CD5L: variants seen among roughly 807,000 people sequenced by gnomAD.
The protein encoded by CD5L is CD5 molecule like, also known as CD5 antigen-like.
Under a neutral mutation model 40.8 loss-of-function variants are expected in CD5L, and 39 were observed. The observed-to-expected ratio is 0.96, with a 90% confidence interval of 0.74 to 1.25. The LOEUF is 1.25. Among genes scored for constraint, CD5L ranks in the 50% most tolerant of loss-of-function variants. The pLI is 0.00. For synonymous variants in CD5L, 192 were observed against 169.6 expected, an observed-to-expected ratio of 1.13 and a Z score of -1.03; for missense variants, 433 against 435.9, an observed-to-expected ratio of 0.99 and a Z score of 0.06.
chr1:157,831,062 A>G lies in CD5L; in HGVS notation c.*902T>C. On this transcript the variant is annotated 3_prime_UTR_variant, in exon 6 of 6. Coordinates refer to ENST00000368174, the MANE Select transcript of CD5L (RefSeq NM_005894.3). Reference sequence around the variant, plus strand: ...TATTTCTGTCTTGCCTCAAGCTTACAGGCCCCAAAGTCTCAGTTGATAAAG... The same window carrying G: ...TATTTCTGTCTTGCCTCAAGCTTACGGGCCCCAAAGTCTCAGTTGATAAAG... The G allele has an allele frequency of 1.0e-6, 1 of 985,428 alleles. No individual in the cohort carries two copies. The highest frequency in any genetic ancestry group is 1.2e-6 in the Non-Finnish European group (1 of 829,918). 61.0% of individuals were successfully genotyped at this position (985,428 alleles called of 1,614,324 possible).
intron 2 of CD5L, among the ~76,000 whole-genome samples, chr1:157,837,942 A>AT: frequency 6.6e-6 from 1 of 151,694 alleles, no homozygotes; most frequent in Middle Eastern, 3.4e-3. Context: ...CACCTGGCTA[A>AT]TTTTTTTGTA....
At chr1:157,837,635 G>GA (rs1656254238) in intron 2 of CD5L, among the ~76,000 whole-genome samples, 1 of 152,182 alleles carries the variant, frequency 6.6e-6, no homozygotes, top group Non-Finnish European at 1.5e-5. Flanking sequence ...GATGACCCAG[G>GA]TTGCATGCAT....
chr1:157,838,035 CAA>C (rs1656268244), intron 2 of CD5L, among the ~76,000 whole-genome samples: 1 of 152,106 alleles, frequency 6.6e-6, no homozygotes, highest in South Asian at 2.1e-4. Flanking sequence ...CTTCGCCTCC[CAA>C]AGTGCTGGGA....
rs1656032656 is a variant in CD5L, at chr1:157,831,034, T to C, written c.*930A>G. On this transcript the variant is annotated 3_prime_UTR_variant, in exon 6 of 6. Coordinates refer to ENST00000368174, the MANE Select transcript of CD5L (RefSeq NM_005894.3). ...AATTTTTACAATCAAGTCTTGATTC[T>C]CTTATTTCTGTCTTGCCTCAAGCTT... 1.8e-5 allele frequency: 18 copies of C among 985,222 alleles called. No homozygotes were observed. Among genetic ancestry groups the C allele is most frequent in the Non-Finnish European group, 2.2e-5 (18 of 829,866 alleles). 61.0% of individuals were successfully genotyped at this position (985,222 alleles called of 1,614,324 possible). A position where few individuals can be genotyped will look rare whatever the true frequency, so the allele number is the denominator to read the frequency against.
chr1:157,837,350 C>T (rs1259777475), intron 2 of CD5L, among the ~76,000 whole-genome samples: 1 of 129,920 alleles, frequency 7.7e-6, no homozygotes, highest in Non-Finnish European at 1.7e-5. Context: ...TTGTTAGGTG[C>T]GTACTACATT....
chr1:157,839,343 A>G, intron 2 of CD5L, 41 bp downstream of exon 2: 1 of 1,606,646 alleles, frequency 6.2e-7, no homozygotes, highest in Non-Finnish European at 8.5e-7. Context: ...TCCCTCTCCT[A>G]AGCTTGAGGC....
chr1:157,833,974 C>A (rs1367005544), intron 4 of CD5L, among the ~76,000 whole-genome samples: 1 of 152,072 alleles, frequency 6.6e-6, no homozygotes, highest in African/African-American at 2.4e-5. Context: ...ACATGTATTT[C>A]TGTGATTAGA....
At position 157,836,046 on chromosome 1, in the gene CD5L, A is replaced by C; in HGVS notation, c.165T>G (p.Ile55Met). Residue 55 changes from isoleucine (I) to methionine (M), a missense_variant, in exon 3 of 6, where the codon ATT becomes ATG. Coordinates refer to ENST00000368174, the MANE Select transcript of CD5L (RefSeq NM_005894.3). ...CCCGGCACAACACAGCCACGTCCTTAATGTCCCAGCCGTCATCACACACGG... is the reference window on the plus strand; with the variant it reads ...CCCGGCACAACACAGCCACGTCCTTCATGTCCCAGCCGTCATCACACACGG... ...WGTVCDDGWD[I>M]KDVAVLCREL... The C allele has an allele frequency of 6.2e-7, 1 of 1,614,070 alleles. No individual in the cohort carries two copies.
chr1:157,833,432 A>C lies in CD5L; in HGVS notation c.799T>G (p.Ser267Ala), dbSNP rs1374202517. Residue 267 changes from serine to alanine, a missense_variant, in exon 5 of 6, where the codon TCT becomes GCT. Ser to Ala is a moderately conservative substitution (Grantham distance 99). Coordinates refer to ENST00000368174, the MANE Select transcript of CD5L (RefSeq NM_005894.3). Reference protein sequence around the residue: ...LEVLHKGVWGSVCDDNWGEKE... With the variant: ...LEVLHKGVWGAVCDDNWGEKE... ...TCTCCCCAGTTGTCATCACAGACAG[A>C]GCCCCATACGCCCTTGTGCAGCACC... The C allele has an allele frequency of 6.2e-7, 1 of 1,614,118 alleles. No homozygotes were observed. Among genetic ancestry groups the C allele is most frequent in the East Asian group, 2.2e-5 (1 of 44,870 alleles).
chr1:157,837,318 G>C (rs2101939699), intron 2 of CD5L, among the ~76,000 whole-genome samples: 1 of 151,908 alleles, frequency 6.6e-6, no homozygotes, highest in Non-Finnish European at 1.5e-5. Context: ...GACCAGGGAA[G>C]AGCCTATTAG....
chr1:157,828,742 T>A (rs1655969009), downstream of CD5L, among the ~76,000 whole-genome samples: 1 of 152,184 alleles, frequency 6.6e-6, no homozygotes, highest in South Asian at 2.1e-4. Flanking sequence ...AATTATCACC[T>A]AATAAAAAAT....
downstream of CD5L, among the ~76,000 whole-genome samples, chr1:157,830,432 T>C (rs1295269563): frequency 6.6e-6 from 1 of 152,168 alleles, no homozygotes; most frequent in Non-Finnish European, 1.5e-5. Flanking sequence ...AGGCAGTGAC[T>C]TAAGGAATCA....
At chr1:157,839,573 C>A (rs1199657818) in intron 1 of CD5L, among the ~76,000 whole-genome samples, 163 bp from the exon 2 acceptor site, 1 of 152,208 alleles carries the variant, frequency 6.6e-6, no homozygotes, top group Non-Finnish European at 1.5e-5. Context: ...TGACCATCCT[C>A]CAAGGACACA....
chr1:157,830,922 G>A lies in CD5L; in HGVS notation c.*1042C>T, dbSNP rs1656029253. ...ACACAGAGAGGCAATTGTTGAGACTGTGAAATCTGATTTATTAGATAAGTG... is the reference window on the plus strand; with the variant it reads ...ACACAGAGAGGCAATTGTTGAGACTATGAAATCTGATTTATTAGATAAGTG... On this transcript the variant is annotated 3_prime_UTR_variant, in exon 6 of 6. Transcript: ENST00000368174. 2.0e-6 allele frequency: 2 copies of A among 983,168 alleles called. No homozygotes were observed. The highest frequency in any genetic ancestry group is 4.7e-5 in the South Asian group (1 of 21,246). 60.9% of individuals were successfully genotyped at this position (983,168 alleles called of 1,614,324 possible).
downstream of CD5L, among the ~76,000 whole-genome samples, chr1:157,827,656 C>T (rs1215450963): frequency 6.6e-6 from 1 of 152,152 alleles, no homozygotes; most frequent in African/African-American, 2.4e-5. Flanking sequence ...ACTCAATCTA[C>T]TGATACAAAT....
At chr1:157,836,260 A>T in intron 2 of CD5L, 105 bp from the exon 3 acceptor site, 1 of 891,128 alleles carries the variant, frequency 1.1e-6, no homozygotes, top group Admixed American at 2.7e-5. Flanking sequence ...AATGGTGCAG[A>T]GTGTTGGGGA....
downstream of CD5L, among the ~76,000 whole-genome samples, chr1:157,829,758 A>AC (rs1655999174): frequency 6.6e-6 from 1 of 152,184 alleles, no homozygotes; most frequent in African/African-American, 2.4e-5. Flanking sequence ...AAGTACGAAA[A>AC]CCAACATAAG....
intron 5 of CD5L, among the ~76,000 whole-genome samples, chr1:157,832,936 A>G (rs1656087081): frequency 6.6e-6 from 1 of 152,168 alleles, no homozygotes; most frequent in African/African-American, 2.4e-5. Context: ...TTGTTTTTAC[A>G]TTCAATACCT....
downstream of CD5L, among the ~76,000 whole-genome samples, chr1:157,830,710 A>G (rs1468465092): frequency 1.3e-5 from 2 of 152,218 alleles, no homozygotes; most frequent in African/African-American, 2.4e-5. Context: ...GAAGTCCAGG[A>G]GCAGCAGAAC....
Sources: allele counts gnomAD v4.1 joint callset (sites outside exome capture counted in the v4.1 genomes callset), GRCh38; gene constraint gnomAD v4.1.1; transcripts MANE v1.5; gene names NCBI Gene and HGNC (gene_info 2026-07-23, HGNC 2026-07-21).